The following TRPM8 variants were observed in gnomAD, a reference collection of about 807,000 sequenced individuals.
TRPM8 encodes TRPM8 cationic channel.
In TRPM8, 110 loss-of-function variants were observed where a neutral mutation model predicts 133.7. That is an observed-to-expected ratio of 0.82 (90% CI 0.70 to 0.96). TRPM8 has a LOEUF of 0.96. Among genes scored for constraint, TRPM8 ranks in the 40% least tolerant of loss-of-function variants. TRPM8 has a pLI of 0.00. For synonymous variants in TRPM8, 535 were observed against 532.3 expected (o/e 1.01, Z -0.07); for missense variants, 1,291 against 1,379.5 (o/e 0.94, Z 1.02).
rs143487123 is a variant in TRPM8 at position 233,953,643 on chromosome 2, G to GACAC, written c.1141-258_1141-255dup. 9.2e-4 allele frequency: 217 copies of GACAC among 236,126 alleles called. No homozygotes were observed. In the East Asian group the frequency reaches 0.012, roughly 13 times the overall value. The allele number at this position is 236,126 out of a possible 1,614,324, so 14.6% of individuals were successfully genotyped here. A position where few individuals can be genotyped will look rare whatever the true frequency, so the allele number is the denominator to read the frequency against. Reference sequence around the variant, plus strand: ...GCATCTGCCATGTGCCAGGCTTTGTGACACACACACACACACACAGCACCT... The same window carrying GACAC: ...GCATCTGCCATGTGCCAGGCTTTGTGACACACACACACACACACACACAGCACCT... On this transcript the variant is annotated intron_variant, in intron 9 of 25. Transcript: ENST00000324695.
At chr2:233,952,522 G>A (rs547731985) in intron 9 of TRPM8, among the ~76,000 whole-genome samples, 35 of 152,100 alleles carry the variant, frequency 2.3e-4, no homozygotes, top group Non-Finnish European at 3.7e-4. Context: ...TGGGAGGCAC[G>A]CCTGAGGAGT....
rs11563059 is a variant in TRPM8 at position 233,946,723 on chromosome 2, G to T, written c.875-365G>T. Among the ~76,000 whole-genome samples, 1,320 of 152,314 alleles carry T rather than the reference G, an allele frequency of 8.7e-3. 9 individuals carry two copies. The highest frequency in any genetic ancestry group is 0.015 in the Non-Finnish European group (999 of 68,028). On this transcript the variant is annotated intron_variant, in intron 7 of 25. Transcript: ENST00000324695. The stretch of plus-strand genomic sequence containing the variant: ...GCAATAAACTGTTGAAAGACCACTA[G>T]TTATGCAAAGTTCTCACTCAAGCAA...
chr2:233,996,635 G>T, intron 22 of TRPM8, 119 bp downstream of exon 22: 2 of 941,276 alleles, frequency 2.1e-6, no homozygotes, highest in Non-Finnish European at 3.2e-6. Context: ...GTTCACATCT[G>T]TACATCTGTA....
At chr2:234,000,052 T>C (rs1692511814) in intron 22 of TRPM8, among the ~76,000 whole-genome samples, 1 of 151,412 alleles carries the variant, frequency 6.6e-6, no homozygotes. Flanking sequence ...CCTGAGCACA[T>C]TCTTTCTGAG....
intron 4 of TRPM8, among the ~76,000 whole-genome samples, chr2:233,938,425 G>A (rs1690818162): frequency 6.6e-6 from 1 of 152,214 alleles, no homozygotes; most frequent in South Asian, 2.1e-4. Flanking sequence ...GTTGAGGAGG[G>A]ATGCCCGTGG....
intron 24 of TRPM8, 93 bp from the exon 25 acceptor site, chr2:234,014,469 G>A (rs1692911109): frequency 1.5e-6 from 1 of 678,552 alleles, no homozygotes; most frequent in East Asian, 3.3e-5. Context: ...TAGTAGACAT[G>A]TCTGTTTCTT....
chr2:233,924,265 G>T (rs1190610737), intron 1 of TRPM8, among the ~76,000 whole-genome samples: 4 of 152,174 alleles, frequency 2.6e-5, no homozygotes, highest in African/African-American at 9.7e-5. Context: ...CGCTGGATCT[G>T]GCGGTGTGAT....
chr2:233,983,194 A>T lies in TRPM8; in HGVS notation c.2731A>T (p.Met911Leu). ...GGTCATCTACGAGCCCTACCTGGCC[A>T]TGTTCGGCCAGGTGCCCAGTGACGT... ...RSVIYEPYLAMFGQVPSDVDG... is the reference protein window; with the variant it reads ...RSVIYEPYLALFGQVPSDVDG... The change falls in exon 20 of 26, where the codon ATG (methionine) becomes TTG (leucine). Residue 911 changes from methionine to leucine, a missense_variant. Around this residue, in one of 2 missense-constraint regions of TRPM8, gnomAD observed 328 missense variants for 410.6 expected, o/e 0.80. Transcript: ENST00000324695. 6.2e-7 allele frequency: 1 copy of T among 1,614,196 alleles called. No homozygotes were observed. The highest frequency in any genetic ancestry group is 8.5e-7 in the Non-Finnish European group (1 of 1,180,028).
chr2:233,969,484 T>C (rs1691653521), intron 15 of TRPM8, among the ~76,000 whole-genome samples: 1 of 151,816 alleles, frequency 6.6e-6, no homozygotes, highest in Non-Finnish European at 1.5e-5. Flanking sequence ...TGAAACTCCG[T>C]CTCAAGAAAA....
chr2:233,973,738 C>G (rs1691792272), intron 17 of TRPM8, among the ~76,000 whole-genome samples: 1 of 152,128 alleles, frequency 6.6e-6, no homozygotes, highest in African/African-American at 2.4e-5. Flanking sequence ...TTGTGCCTTG[C>G]TATGTATGTG....
rs1691037409 is a variant in TRPM8 at position 233,946,088 on chromosome 2, TCAA to T, written c.874+65_874+67del. 2.6e-6 allele frequency: 4 copies of T among 1,520,304 alleles called. No homozygotes were observed. The East Asian group carries it at 6.8e-5, about 26-fold the overall frequency. The allele number at this position is 1,520,304 out of a possible 1,614,324, so 94.2% of individuals were successfully genotyped here. ...TACAATAACCACAGCAGCCACAGCATCAACAACAATCACTACCAACTATTGAGT... is the reference window on the plus strand; with the variant it reads ...TACAATAACCACAGCAGCCACAGCATCAACAATCACTACCAACTATTGAGT... On this transcript the variant is annotated intron_variant, in intron 7 of 25. Coordinates refer to ENST00000324695, the MANE Select transcript of TRPM8 (RefSeq NM_024080.5).
At chr2:233,927,954 CTCTCTCTTTCTT>C (rs1559516779) in intron 2 of TRPM8, among the ~76,000 whole-genome samples, 29 of 72,274 alleles carry the variant, frequency 4.0e-4, no homozygotes, top group African/African-American at 3.1e-3. Context: ...CTCTCTCTCT[CTCTCTCTTTCTT>C]TCTTTCTTTC....
At chr2:233,943,106 ATG>A (rs1400536129) in intron 6 of TRPM8, 12 of 286,852 alleles carry the variant, frequency 4.2e-5, no homozygotes, top group African/African-American at 3.7e-4. Context: ...TAGGATGGCT[ATG>A]TTTTTTTTTT....
At chr2:233,922,659 C>G (rs533280990) in intron 1 of TRPM8, among the ~76,000 whole-genome samples, 27 of 152,250 alleles carry the variant, frequency 1.8e-4, no homozygotes, top group Admixed American at 1.6e-3. Flanking sequence ...TTCCTTGTTC[C>G]CCATTCCTGA....
chr2:233,959,724 C>A (rs1264354067), intron 11 of TRPM8, among the ~76,000 whole-genome samples: 1 of 152,160 alleles, frequency 6.6e-6, no homozygotes, highest in Admixed American at 6.5e-5. Flanking sequence ...AGAGGGCACA[C>A]AGAACATGAC....
chr2:233,927,778 CTTTCT>C (rs1691564293), intron 2 of TRPM8, among the ~76,000 whole-genome samples: 1 of 46,218 alleles, frequency 2.2e-5, no homozygotes, highest in Non-Finnish European at 3.3e-5. Context: ...TTCTTTCTTT[CTTTCT>C]TTCTTTCTTT....
intron 17 of TRPM8, among the ~76,000 whole-genome samples, chr2:233,978,859 C>T (rs1014990263): frequency 3.9e-5 from 6 of 152,126 alleles, no homozygotes; most frequent in Non-Finnish European, 8.8e-5. Flanking sequence ...GCCCTCACCC[C>T]CTTGGCCCAC....
Position 233,939,164 on chromosome 2 carries a change from C to T in TRPM8, c.515C>T (p.Ala172Val). 1 of 1,614,062 alleles carries T rather than the reference C, an allele frequency of 6.2e-7. No individual in the cohort carries two copies. The highest frequency in any genetic ancestry group is 8.5e-7 in the Non-Finnish European group (1 of 1,180,032). Residue 172 changes from alanine to valine, a missense_variant, in exon 5 of 26, where the codon GCG (alanine) becomes GTG (valine). Ala to Val is a moderately conservative substitution (Grantham distance 64, BLOSUM62 0). Transcript: ENST00000324695. ...RKIFSRLIYI[A>V]QSKGAWILTG... ...ATCTTCAGCCGGCTCATCTACATCG[C>T]GCAGTCCAAAGGTGAGGGTGGGAGC...
intron 23 of TRPM8, among the ~76,000 whole-genome samples, chr2:234,007,256 C>T (rs1008813640): frequency 6.6e-6 from 1 of 152,188 alleles, no homozygotes; most frequent in Non-Finnish European, 1.5e-5. Context: ...GGGTCCCCTG[C>T]TGCGGCCGCA....
Sources: allele counts gnomAD v4.1 joint callset (sites outside exome capture counted in the v4.1 genomes callset), GRCh38; gene constraint gnomAD v4.1.1; regional missense constraint gnomAD v4.1.1; transcripts MANE v1.5; gene names NCBI Gene and HGNC (gene_info 2026-07-23, HGNC 2026-07-21).